ZBED4: variants seen among roughly 807,000 people sequenced by gnomAD.
ZBED4 encodes zinc finger BED domain-containing protein 4.
In ZBED4, 4 loss-of-function variants were observed where a neutral mutation model predicts 15.5. The observed-to-expected ratio is 0.26, with a 90% CI of 0.13 to 0.59. The LOEUF is 0.59. ZBED4 is among the 20% of genes least tolerant of loss of function. The pLI, the probability that ZBED4 is intolerant of heterozygous loss-of-function variation, is 0.90. For synonymous variants in ZBED4, 692 were observed against 608.5 expected, an observed-to-expected ratio of 1.14 and a Z score of -2.02; for missense variants, 1,323 against 1,461.8, an observed-to-expected ratio of 0.91 and a Z score of 1.55.
At chr22:49,855,267 G>A (rs1198633010) in intron 1 of ZBED4, among the ~76,000 whole-genome samples, 3 of 152,146 alleles carry the variant, frequency 2.0e-5, no homozygotes, top group Non-Finnish European at 2.9e-5. Context: ...CCCGGTCTTT[G>A]AGGTGAGGAC....
intron 1 of ZBED4, among the ~76,000 whole-genome samples, chr22:49,874,081 C>T (rs917389380): frequency 2.0e-5 from 3 of 152,288 alleles, no homozygotes; most frequent in East Asian, 1.9e-4. Flanking sequence ...TTTATGACAT[C>T]GATGGCCCTG....
chr22:49,888,414 C>T lies in ZBED4; in HGVS notation c.*1236C>T, dbSNP rs2060451424. 1 of 167,182 alleles carries T rather than the reference C, an allele frequency of 6.0e-6. No individual in the cohort carries two copies. The allele number at this position is 167,182 out of a possible 1,614,324, so 10.4% of individuals were successfully genotyped here. The stretch of plus-strand genomic sequence containing the variant: ...TATTTATAAATGGTGAACTCAGTTT[C>T]TGAAATTAAACTTCTTATTTGCAAT... On this transcript the variant is annotated 3_prime_UTR_variant, in exon 2 of 2. Coordinates refer to ENST00000216268, the MANE Select transcript of ZBED4 (RefSeq NM_014838.3).
chr22:49,867,466 C>G (rs1045923161), intron 1 of ZBED4, among the ~76,000 whole-genome samples: 27 of 152,236 alleles, frequency 1.8e-4, no homozygotes, highest in African/African-American at 6.5e-4. Context: ...GACTTTCTGT[C>G]TAGTTCTGGG....
rs574289894 is a variant in ZBED4 at position 49,887,445 on chromosome 22, G to T, written c.*267G>T. 5.9e-6 allele frequency: 2 copies of T among 338,278 alleles called. No individual in the cohort carries two copies. Among genetic ancestry groups the T allele is most frequent in the Non-Finnish European group, 5.7e-6 (1 of 176,382 alleles). The allele number at this position is 338,278 out of a possible 1,614,324, so 21.0% of individuals were successfully genotyped here. On this transcript the variant is annotated 3_prime_UTR_variant, in exon 2 of 2. Transcript: ENST00000216268. Reference sequence around the variant, plus strand: ...GGTGACTAGATTTTAATTCATAACCGTAAAGTTTTTTAAAGTTTTGGGTTA... The same window carrying T: ...GGTGACTAGATTTTAATTCATAACCTTAAAGTTTTTTAAAGTTTTGGGTTA...
chr22:49,884,354 C>G lies in ZBED4; in HGVS notation c.692C>G (p.Ser231Cys), dbSNP rs771676030. Residue 231 changes from serine to cysteine, a missense_variant, in exon 2 of 2, where the codon TCT becomes TGT. By Grantham distance (112) the Ser-to-Cys change is moderately radical. Coordinates refer to ENST00000216268, the MANE Select transcript of ZBED4 (RefSeq NM_014838.3). ...RITEESVSVV[S>C]SEEISSDMSV... ...ACAGAGGAGTCTGTGTCTGTAGTTT[C>G]TTCTGAAGAAATCTCCTCTGACATG... The G allele has an allele frequency of 1.2e-6, 2 of 1,613,268 alleles. No homozygotes were observed. Among genetic ancestry groups the G allele is most frequent in the African/African-American group, 1.3e-5 (1 of 75,010 alleles).
intron 1 of ZBED4, among the ~76,000 whole-genome samples, chr22:49,878,487 A>G (rs1483912921): frequency 6.6e-6 from 1 of 152,214 alleles, no homozygotes; most frequent in Non-Finnish European, 1.5e-5. Context: ...ACAAAGTTAC[A>G]TGGGCACTTC....
At chr22:49,855,898 C>T (rs2060273119) in intron 1 of ZBED4, among the ~76,000 whole-genome samples, 1 of 152,196 alleles carries the variant, frequency 6.6e-6, no homozygotes, top group African/African-American at 2.4e-5. Flanking sequence ...AGGAATTGCT[C>T]TTATTTACAT....
rs371088855 is a variant in ZBED4 at position 49,886,110 on chromosome 22, G to A, written c.2448G>A (p.Thr816=). ...TVTDNASIGK[T]LNEGEHSSVQ... is the part of the protein sequence containing the mutation. Reference sequence around the variant, plus strand: ...CCGACAACGCCAGCATCGGGAAGACGCTGAACGAGGGGGAGCACTCGAGCG... The same window carrying A: ...CCGACAACGCCAGCATCGGGAAGACACTGAACGAGGGGGAGCACTCGAGCG... The change falls in exon 2 of 2, where the codon ACG becomes ACA. Residue 816 remains threonine, a synonymous_variant. Transcript: ENST00000216268. The surrounding 1 kb of genome is among the most constrained non-coding windows in gnomAD (Gnocchi z 7.7). The A allele has an allele frequency of 8.8e-6, 6 of 681,616 alleles. No homozygotes were observed. Among genetic ancestry groups the A allele is most frequent in the Non-Finnish European group, 1.6e-5 (6 of 371,206 alleles). 42.2% of individuals were successfully genotyped at this position (681,616 alleles called of 1,614,324 possible). A position where few individuals can be genotyped will look rare whatever the true frequency, so the allele number is the denominator to read the frequency against.
At chr22:49,857,179 G>C (rs738707) in intron 1 of ZBED4, among the ~76,000 whole-genome samples, 1 of 152,044 alleles carries the variant, frequency 6.6e-6, no homozygotes, top group Non-Finnish European at 1.5e-5. Context: ...GGGAGCATGT[G>C]CATTTCGGAG....
At position 49,887,321 on chromosome 22, in the gene ZBED4, T is replaced by C; in HGVS notation, c.*143T>C. 1.2e-6 allele frequency: 1 copy of C among 860,430 alleles called. No homozygotes were observed. The highest frequency in any genetic ancestry group is 1.9e-5 in the South Asian group (1 of 51,362). 53.3% of individuals were successfully genotyped at this position (860,430 alleles called of 1,614,324 possible). ...GGCCGCTCTCCAGCTCACCACAGTG[T>C]CTCCACGTGCCTTACCCCTTCTCCT... On this transcript the variant is annotated 3_prime_UTR_variant, in exon 2 of 2. Transcript: ENST00000216268.
chr22:49,859,773 C>A (rs1448170984), intron 1 of ZBED4, among the ~76,000 whole-genome samples: 1 of 152,216 alleles, frequency 6.6e-6, no homozygotes, highest in Non-Finnish European at 1.5e-5. Context: ...CACCTGTAAT[C>A]TCAGCACTTT....
At chr22:49,855,573 T>C (rs538383000) in intron 1 of ZBED4, among the ~76,000 whole-genome samples, 1 of 152,284 alleles carries the variant, frequency 6.6e-6, no homozygotes, top group South Asian at 2.1e-4. Flanking sequence ...GCAGCTTCTT[T>C]AGCGAAAGGT....
chr22:49,869,908 G>A (rs888680592), intron 1 of ZBED4, among the ~76,000 whole-genome samples: 7 of 152,140 alleles, frequency 4.6e-5, no homozygotes, highest in Admixed American at 1.3e-4. Flanking sequence ...AATGATCGTC[G>A]CCCAGATCGT....
chr22:49,877,878 A>C (rs2060386198), intron 1 of ZBED4, among the ~76,000 whole-genome samples: 1 of 152,072 alleles, frequency 6.6e-6, no homozygotes, highest in South Asian at 2.1e-4. Flanking sequence ...TTGTTTCGAG[A>C]TTCATCCGTG....
intron 1 of ZBED4, among the ~76,000 whole-genome samples, chr22:49,869,993 G>T (rs5769761): frequency 0.64 from 97,721 of 151,772 alleles, 35,634 homozygotes; most frequent in East Asian, 0.85. Context: ...CCTCACTCTC[G>T]CAGTCCCAGT....
rs1313114408 is a variant in ZBED4 at position 49,875,347 on chromosome 22, A to G, written c.-329-7987A>G. On this transcript the variant is annotated intron_variant, in intron 1 of 1. Transcript: ENST00000216268. ...TTGTAAATAAAAGGCTAATCAGCTT[A>G]TTCTTGAGTTTTTGTAGTTTCTGTC... 4.0e-5 allele frequency among the ~76,000 whole-genome samples: 6 copies of G among 151,708 alleles called. No homozygotes were observed. The East Asian group carries it at 7.7e-4, about 20-fold the overall frequency.
intron 1 of ZBED4, among the ~76,000 whole-genome samples, 151 bp from the exon 2 acceptor site, chr22:49,883,183 C>T (rs748248065): frequency 3.9e-5 from 6 of 152,122 alleles, no homozygotes; most frequent in African/African-American, 7.2e-5. Flanking sequence ...ATCCTGTAAA[C>T]GGATTGCAGG....
At chr22:49,865,615 C>T (rs1569158484) in intron 1 of ZBED4, among the ~76,000 whole-genome samples, 2 of 152,124 alleles carry the variant, frequency 1.3e-5, no homozygotes, top group Admixed American at 6.5e-5. Flanking sequence ...GCAGAGGGTG[C>T]AGTGAGCAGA....
At position 49,887,299 on chromosome 22, in the gene ZBED4, C is replaced by T. The variant is rs558102640; in HGVS notation, c.*121C>T. Reference sequence around the variant, plus strand: ...ACATCAGACCAGGCACTCTCAGGGCCGCTCTCCAGCTCACCACAGTGTCTC... The same window carrying T: ...ACATCAGACCAGGCACTCTCAGGGCTGCTCTCCAGCTCACCACAGTGTCTC... On this transcript the variant is annotated 3_prime_UTR_variant, in exon 2 of 2. Transcript: ENST00000216268. 35 of 1,058,188 alleles carry T rather than the reference C, an allele frequency of 3.3e-5. No individual in the cohort carries two copies. Among genetic ancestry groups the T allele is most frequent in the Admixed American group, 7.9e-5 (3 of 37,748 alleles). 65.5% of individuals were successfully genotyped at this position (1,058,188 alleles called of 1,614,324 possible).
Sources: allele counts gnomAD v4.1 joint callset (sites outside exome capture counted in the v4.1 genomes callset), GRCh38; gene constraint gnomAD v4.1.1; non-coding constraint Gnocchi (gnomAD v3.1); transcripts MANE v1.5; gene names NCBI Gene and HGNC (gene_info 2026-07-23, HGNC 2026-07-21).